EML4: variants seen among roughly 807,000 people sequenced by gnomAD.
EML4 encodes the protein EMAP like 4.
In EML4, 72 loss-of-function variants were observed where a neutral mutation model predicts 129.0. The ratio of observed to expected loss-of-function variants is 0.56; its 90% CI spans 0.46 to 0.68. EML4 has a LOEUF of 0.68. Ranked by LOEUF, EML4 falls within the 30% of genes least tolerant of loss-of-function variation. The pLI is 0.00. For synonymous variants in EML4, 532 were observed against 405.0 expected, an observed-to-expected ratio of 1.31 and a Z score of -3.77; for missense variants, 1,363 against 1,190.6, an observed-to-expected ratio of 1.14 and a Z score of -2.13.
intron 17 of EML4, among the ~76,000 whole-genome samples, chr2:42,314,063 T>C (rs1181413181): frequency 6.7e-6 from 1 of 150,056 alleles, no homozygotes; most frequent in East Asian, 2.0e-4. Context: ...AAATAAAGAT[T>C]AAAAATAAAA....
At chr2:42,240,010 G>A (rs956484531) in intron 1 of EML4, among the ~76,000 whole-genome samples, 1 of 152,198 alleles carries the variant, frequency 6.6e-6, no homozygotes, top group Non-Finnish European at 1.5e-5. Flanking sequence ...CTCGTTTGCT[G>A]TGTGGCCATG....
intron 1 of EML4, among the ~76,000 whole-genome samples, chr2:42,189,499 G>A (rs1031266372): frequency 6.6e-6 from 1 of 152,228 alleles, no homozygotes; most frequent in Non-Finnish European, 1.5e-5. Context: ...AGGATTGCAT[G>A]AGACCAGGAG....
rs574405534 is a variant in EML4, at chr2:42,200,946, C to T, written c.25+31310C>T. ...ACTTCCCCTGTTCTCCATGGGCTGC[C>T]TGCTGTATTCTCCTAAGGATGACCC... On this transcript the variant is annotated intron_variant, in intron 1 of 22. Transcript: ENST00000318522. 2.6e-5 allele frequency among the ~76,000 whole-genome samples: 4 copies of T among 152,264 alleles called. No homozygotes were observed. In the East Asian group the frequency reaches 7.7e-4, roughly 29 times the overall value.
At chr2:42,254,783 A>G (rs990350828) in intron 2 of EML4, among the ~76,000 whole-genome samples, 1 of 152,182 alleles carries the variant, frequency 6.6e-6, no homozygotes, top group Non-Finnish European at 1.5e-5. Context: ...TTCCGCTCCT[A>G]GGTATATACT....
chr2:42,285,264 T>TA (rs1572689482), intron 9 of EML4, among the ~76,000 whole-genome samples: 1 of 152,186 alleles, frequency 6.6e-6, no homozygotes. Flanking sequence ...GAGTTACAGT[T>TA]ACTATTTAAT....
chr2:42,193,401 T>C (rs561595518), intron 1 of EML4, among the ~76,000 whole-genome samples: 51 of 149,860 alleles, frequency 3.4e-4, no homozygotes, highest in African/African-American at 1.2e-3. Context: ...AAGCTGGTTT[T>C]TAGATGAACG....
At chr2:42,217,942 A>G (rs1031339149) in intron 1 of EML4, among the ~76,000 whole-genome samples, 5 of 152,116 alleles carry the variant, frequency 3.3e-5, no homozygotes, top group Non-Finnish European at 5.9e-5. Context: ...TGATCCTGTG[A>G]TTAATTTATG....
At chr2:42,328,007 AAAC>A (rs1330797094) in intron 21 of EML4, among the ~76,000 whole-genome samples, 1 of 152,226 alleles carries the variant, frequency 6.6e-6, no homozygotes, top group Admixed American at 6.5e-5. Context: ...AAGGAATTAA[AAAC>A]AAAATAATTC....
chr2:42,294,424 A>G (rs1377895794), intron 11 of EML4, among the ~76,000 whole-genome samples: 1 of 152,232 alleles, frequency 6.6e-6, no homozygotes, highest in Non-Finnish European at 1.5e-5. Context: ...GGCTGGGCGC[A>G]ATGGCTCATG....
intron 8 of EML4, 111 bp from the exon 9 acceptor site, chr2:42,284,523 A>G (rs1344365655): frequency 3.4e-6 from 2 of 593,410 alleles, no homozygotes; most frequent in African/African-American, 3.8e-5. Context: ...AAACAGATAA[A>G]CGTATGTTTT....
chr2:42,289,702 TC>T (rs1161768802), intron 11 of EML4: 1 of 151,958 alleles, frequency 6.6e-6, no homozygotes, highest in African/African-American at 2.4e-5. Flanking sequence ...GTCAGGAAGT[TC>T]TCTAAACACC....
chr2:42,243,740 C>A lies in EML4; in HGVS notation c.26-1765C>A, dbSNP rs571491923. 2.0e-5 allele frequency among the ~76,000 whole-genome samples: 3 copies of A among 152,214 alleles called. No homozygotes were observed. The East Asian group carries it at 5.8e-4, about 29-fold the overall frequency. The stretch of plus-strand genomic sequence containing the variant: ...GCATGGGAGGTCTGGTGGTGTATAT[C>A]ATCTTAAATATGAAATATGAATATT... On this transcript the variant is annotated intron_variant, in intron 1 of 22. Coordinates refer to ENST00000318522, the MANE Select transcript of EML4 (RefSeq NM_019063.5).
intron 17 of EML4, among the ~76,000 whole-genome samples, chr2:42,315,117 T>G (rs906990998): frequency 5.3e-5 from 8 of 152,122 alleles, no homozygotes; most frequent in African/African-American, 1.4e-4. Context: ...TTGTCCATGG[T>G]TTTTCCCACC....
chr2:42,208,807 T>TTC (rs373243477), intron 1 of EML4, among the ~76,000 whole-genome samples: 2 of 151,602 alleles, frequency 1.3e-5, no homozygotes, highest in Non-Finnish European at 2.9e-5. Flanking sequence ...TTTTTTTTTT[T>TTC]CAGACACAGA....
At chr2:42,285,586 C>CTT (rs70963307) in intron 9 of EML4, among the ~76,000 whole-genome samples, 22 of 145,958 alleles carry the variant, frequency 1.5e-4, no homozygotes, top group African/African-American at 3.8e-4. Flanking sequence ...CTGACTCCAC[C>CTT]TTTTTTTTTT....
chr2:42,211,106 A>T (rs1313543989), intron 1 of EML4, among the ~76,000 whole-genome samples: 1 of 152,158 alleles, frequency 6.6e-6, no homozygotes, highest in East Asian at 1.9e-4. Context: ...TTTAACATTG[A>T]TTGAAATACC....
intron 1 of EML4, among the ~76,000 whole-genome samples, chr2:42,221,403 CTTT>C (rs74816568): frequency 2.8e-5 from 3 of 108,252 alleles, no homozygotes; most frequent in Non-Finnish European, 3.8e-5. Context: ...ACATGGTTTA[CTTT>C]TTTTTTTTTT....
chr2:42,209,066 ATAAAG>A (rs1480411530), intron 1 of EML4, among the ~76,000 whole-genome samples: 4 of 152,288 alleles, frequency 2.6e-5, no homozygotes, highest in African/African-American at 4.8e-5. Flanking sequence ...CCTTTTTAAA[ATAAAG>A]TATTTAAACT....
chr2:42,186,088 A>G (rs1384372576), intron 1 of EML4, among the ~76,000 whole-genome samples: 1 of 152,196 alleles, frequency 6.6e-6, no homozygotes, highest in Non-Finnish European at 1.5e-5. Context: ...ATCTTTAAAA[A>G]GTCTATGCTT....
Sources: gnomAD v4.1 joint callset for allele counts (sites outside exome capture counted in the v4.1 genomes callset) on GRCh38, gnomAD v4.1.1 for gene constraint, MANE v1.5 for transcripts, NCBI Gene and HGNC (gene_info 2026-07-23, HGNC 2026-07-21) for gene names.